TMEM163: variants seen among roughly 807,000 people sequenced by gnomAD.
TMEM163 encodes the protein transmembrane protein 163.
Under a neutral mutation model 29.3 loss-of-function variants are expected in TMEM163, and 17 were observed. The ratio of observed to expected loss-of-function variants is 0.58; its 90% CI spans 0.40 to 0.87. The LOEUF is 0.87. Among genes scored for constraint, TMEM163 ranks in the 40% least tolerant of loss-of-function variants. The probability of loss-of-function intolerance (pLI) is 0.00; values close to 1 mark genes in which losing one functional copy is unlikely to be tolerated. For synonymous variants in TMEM163, 157 were observed against 160.6 expected, an observed-to-expected ratio of 0.98 and a Z score of 0.17; for missense variants, 303 against 381.5, an observed-to-expected ratio of 0.79 and a Z score of 1.71.
chr2:134,492,449 A>T (rs1299025433), intron 5 of TMEM163, among the ~76,000 whole-genome samples: 1 of 152,174 alleles, frequency 6.6e-6, no homozygotes, highest in East Asian at 1.9e-4. Flanking sequence ...ACTGTTACCA[A>T]AAGCCAGAGA....
At chr2:134,618,984 G>GA (rs1558966688) in intron 2 of TMEM163, among the ~76,000 whole-genome samples, 1 of 151,986 alleles carries the variant, frequency 6.6e-6, no homozygotes, top group South Asian at 2.1e-4. Context: ...TTGAAATTAA[G>GA]AAAAAATAGA....
intron 5 of TMEM163, among the ~76,000 whole-genome samples, chr2:134,498,354 CTT>C (rs765734718): frequency 0.11 from 12,372 of 114,904 alleles, 549 homozygotes; most frequent in South Asian, 0.2. Flanking sequence ...TGCATGTGGG[CTT>C]TTTTTTTTTT....
rs1186014568 is a variant in TMEM163, at chr2:134,460,803, TC to T, written c.668-2631del. 1.3e-5 allele frequency among the ~76,000 whole-genome samples: 2 copies of T among 152,150 alleles called. No homozygotes were observed. Among genetic ancestry groups the T allele is most frequent in the Admixed American group, 1.3e-4 (2 of 15,278 alleles). ...TCCTGACAGCAGGTCCACCAGGTGTTCCCCGACACCCCACAGCTGAGAGGCT... is the reference window on the plus strand; with the variant it reads ...TCCTGACAGCAGGTCCACCAGGTGTTCCCGACACCCCACAGCTGAGAGGCT... On this transcript the variant is annotated intron_variant, in intron 6 of 7. Transcript: ENST00000281924. The surrounding 1 kb of genome is among the most constrained non-coding windows in gnomAD (Gnocchi z 4.3).
chr2:134,694,024 A>T (rs192420117), intron 2 of TMEM163, among the ~76,000 whole-genome samples: 78 of 152,266 alleles, frequency 5.1e-4, no homozygotes, highest in African/African-American at 1.8e-3. Context: ...ATGAGCTTGG[A>T]AACTTAGGAA....
chr2:134,551,988 G>A, intron 3 of TMEM163, 60 bp downstream of exon 3: 1 of 1,457,678 alleles, frequency 6.9e-7, no homozygotes, highest in Non-Finnish European at 9.6e-7. Flanking sequence ...TCAGGGTGAG[G>A]TTTATGGGCT....
rs1011145558 is a variant in TMEM163 at position 134,456,608 on chromosome 2, G to A, written c.*108C>T. ...ACCTTGTCTTGTAATGACAAACCAT[G>A]TGAAAGAAAACTTCCAAAAAGAAAC... On this transcript the variant is annotated 3_prime_UTR_variant, in exon 8 of 8. Transcript: ENST00000281924. 2.2e-6 allele frequency: 3 copies of A among 1,342,046 alleles called. No individual in the cohort carries two copies. Among genetic ancestry groups the A allele is most frequent in the African/African-American group, 2.9e-5 (2 of 68,900 alleles). The allele number at this position is 1,342,046 out of a possible 1,614,324, so 83.1% of individuals were successfully genotyped here. A position where few individuals can be genotyped will look rare whatever the true frequency, so the allele number is the denominator to read the frequency against.
chr2:134,603,623 C>A (rs904080942), intron 2 of TMEM163, among the ~76,000 whole-genome samples: 15 of 152,116 alleles, frequency 9.9e-5, no homozygotes, highest in African/African-American at 3.6e-4. Context: ...GTTACTGAGA[C>A]CACACACGCA....
chr2:134,678,002 C>T (rs1004695374), intron 2 of TMEM163, among the ~76,000 whole-genome samples: 3 of 152,206 alleles, frequency 2.0e-5, no homozygotes, highest in African/African-American at 4.8e-5. Flanking sequence ...AAAACGAAGG[C>T]GTGCCAGCAA....
chr2:134,481,388 G>A (rs1363985609), intron 5 of TMEM163, among the ~76,000 whole-genome samples: 3 of 150,706 alleles, frequency 2.0e-5, no homozygotes, highest in Non-Finnish European at 1.5e-5. Context: ...GGGGGGGGGG[G>A]GAGCTTTTCC....
intron 2 of TMEM163, among the ~76,000 whole-genome samples, chr2:134,558,596 G>C (rs943082936): frequency 6.6e-6 from 1 of 152,188 alleles, no homozygotes; most frequent in Non-Finnish European, 1.5e-5. Flanking sequence ...AGCAGGCTTT[G>C]AGGGAGGGTT....
chr2:134,693,427 C>T (rs1185606024), intron 2 of TMEM163, among the ~76,000 whole-genome samples: 1 of 151,638 alleles, frequency 6.6e-6, no homozygotes, highest in African/African-American at 2.4e-5. Flanking sequence ...GCCAACATGG[C>T]GAAACCCCAT....
At chr2:134,490,694 C>T (rs961216811) in intron 5 of TMEM163, among the ~76,000 whole-genome samples, 31 of 152,170 alleles carry the variant, frequency 2.0e-4, no homozygotes, top group African/African-American at 7.5e-4. Context: ...ATGCTGGTCA[C>T]AGGCAGAAAA....
intron 2 of TMEM163, among the ~76,000 whole-genome samples, chr2:134,613,851 A>G (rs2176341): frequency 0.66 from 100,057 of 152,026 alleles, 34,510 homozygotes; most frequent in African/African-American, 0.83. Context: ...ATAAATAACA[A>G]AAACCACATT....
At chr2:134,475,436 G>C (rs1686891884) in intron 5 of TMEM163, among the ~76,000 whole-genome samples, 1 of 152,092 alleles carries the variant, frequency 6.6e-6, no homozygotes, top group Non-Finnish European at 1.5e-5. Context: ...CCTTGGGTTA[G>C]GCAAAATATT....
At position 134,585,699 on chromosome 2, in the gene TMEM163, G is replaced by A. The variant is rs554445520; in HGVS notation, c.323-33608C>T. On this transcript the variant is annotated intron_variant, in intron 2 of 7. Transcript: ENST00000281924. The stretch of plus-strand genomic sequence containing the variant: ...GGAGCTTGCAGTGAGTCTAGATCGC[G>A]CCACTGCACTCCAGCCTGGGCGACA... Among the ~76,000 whole-genome samples, 402 of 149,338 alleles carry A rather than the reference G, an allele frequency of 2.7e-3. 1 individual carries two copies. Among genetic ancestry groups the A allele is most frequent in the Admixed American group, 3.9e-3 (58 of 14,948 alleles).
chr2:134,528,980 G>A (rs531988684), intron 4 of TMEM163, among the ~76,000 whole-genome samples: 1 of 152,106 alleles, frequency 6.6e-6, no homozygotes, highest in Non-Finnish European at 1.5e-5. Context: ...TTTAGAAAGT[G>A]GGGGGAAAAG....
chr2:134,516,714 TATATATTC>T (rs1680072783), intron 4 of TMEM163, among the ~76,000 whole-genome samples: 1 of 112,664 alleles, frequency 8.9e-6, no homozygotes, highest in South Asian at 2.9e-4. Flanking sequence ...CATATATACA[TATATATTC>T]ATATATATGC....
intron 2 of TMEM163, among the ~76,000 whole-genome samples, chr2:134,614,438 T>A (rs1486902742): frequency 6.6e-6 from 1 of 152,200 alleles, no homozygotes; most frequent in African/African-American, 2.4e-5. Context: ...TATTTTCTAA[T>A]ATTCTAATAT....
chr2:134,489,510 G>T (rs1462984904), intron 5 of TMEM163, among the ~76,000 whole-genome samples: 4 of 151,164 alleles, frequency 2.6e-5, no homozygotes, highest in Admixed American at 2.6e-4. Context: ...TCGGGAGGCA[G>T]AGGTTACAGT....
Sources: gnomAD v4.1 joint callset for allele counts (sites outside exome capture counted in the v4.1 genomes callset) on GRCh38, gnomAD v4.1.1 for gene constraint, Gnocchi (gnomAD v3.1) non-coding constraint, MANE v1.5 for transcripts, NCBI Gene and HGNC (gene_info 2026-07-23, HGNC 2026-07-21) for gene names.